SYN3: variants seen among roughly 807,000 people sequenced by gnomAD.
SYN3 encodes synapsin III, also known as synapsin-3.
SYN3 carries 35 observed loss-of-function variants against 65.8 expected under a neutral mutation model. The ratio of observed to expected loss-of-function variants is 0.53; its 90% CI spans 0.41 to 0.70. SYN3 has a LOEUF of 0.70. SYN3 is among the 30% of genes least tolerant of loss of function. The pLI is 0.00. For synonymous variants in SYN3, 270 were observed against 292.9 expected, an observed-to-expected ratio of 0.92 and a Z score of 0.80; for missense variants, 680 against 749.0, an observed-to-expected ratio of 0.91 and a Z score of 1.08.
intron 1 of SYN3, among the ~76,000 whole-genome samples, chr22:33,054,792 T>A: frequency 6.6e-6 from 1 of 152,256 alleles, no homozygotes; most frequent in East Asian, 1.9e-4. Context: ...TATGTTATAC[T>A]ACATTTTGTT....
intron 3 of SYN3, among the ~76,000 whole-genome samples, chr22:32,942,256 G>A (rs2050963480): frequency 6.6e-6 from 1 of 152,166 alleles, no homozygotes; most frequent in Admixed American, 6.5e-5. Context: ...AGCTTCCAGA[G>A]GAACAATCAG....
intron 7 of SYN3, among the ~76,000 whole-genome samples, chr22:32,567,105 A>G (rs1001086961): frequency 6.6e-6 from 1 of 152,166 alleles, no homozygotes; most frequent in East Asian, 1.9e-4. Context: ...AGACTGGGAA[A>G]GGTAACTGAC....
At chr22:33,031,827 G>A (rs1392123105) in intron 1 of SYN3, among the ~76,000 whole-genome samples, 1 of 152,038 alleles carries the variant, frequency 6.6e-6, no homozygotes, top group African/African-American at 2.4e-5. Context: ...CTGAATTCCT[G>A]GCTGTGATGG....
chr22:33,055,446 T>G (rs1211356584), intron 1 of SYN3, among the ~76,000 whole-genome samples: 1 of 152,206 alleles, frequency 6.6e-6, no homozygotes, highest in Non-Finnish European at 1.5e-5. Flanking sequence ...TCCCCAGATC[T>G]CAGTGTAAAT....
chr22:32,590,894 C>T (rs2059118680), intron 7 of SYN3, among the ~76,000 whole-genome samples: 1 of 152,202 alleles, frequency 6.6e-6, no homozygotes, highest in Non-Finnish European at 1.5e-5. Flanking sequence ...ACATATGATG[C>T]TATTTAATCA....
chr22:32,878,218 T>C (rs541454141), intron 4 of SYN3, among the ~76,000 whole-genome samples: 1 of 152,286 alleles, frequency 6.6e-6, no homozygotes, highest in South Asian at 2.1e-4. Context: ...CCAAAGTGGA[T>C]CTGAGGACTT....
chr22:32,722,567 G>A (rs115957063), intron 6 of SYN3, among the ~76,000 whole-genome samples: 285 of 152,300 alleles, frequency 1.9e-3, no homozygotes, highest in African/African-American at 6.5e-3. Context: ...TCTCTTACTC[G>A]GACAGTGCCA....
chr22:32,971,704 G>T (rs1048539890), intron 3 of SYN3, among the ~76,000 whole-genome samples: 2 of 152,170 alleles, frequency 1.3e-5, no homozygotes, highest in African/African-American at 2.4e-5. Flanking sequence ...GACCTCTATG[G>T]AAAGTAATTT....
chr22:32,598,253 G>A (rs1370768110), intron 6 of SYN3, among the ~76,000 whole-genome samples: 2 of 152,176 alleles, frequency 1.3e-5, no homozygotes, highest in Non-Finnish European at 1.5e-5. Context: ...GCAGAAGGCC[G>A]CCTGTGCATC....
At chr22:32,731,667 T>G (rs1282301107) in intron 6 of SYN3, among the ~76,000 whole-genome samples, 1 of 152,146 alleles carries the variant, frequency 6.6e-6, no homozygotes, top group African/African-American at 2.4e-5. Context: ...TGTCTTTATG[T>G]CTATAGTAGA....
rs2054286581 is a variant in SYN3, at chr22:33,058,345, C to T, written c.-216G>A. 6.6e-6 allele frequency: 1 copy of T among 151,626 alleles called. No homozygotes were observed. The highest frequency in any genetic ancestry group is 1.5e-5 in the Non-Finnish European group (1 of 67,860). 9.4% of individuals were successfully genotyped at this position (151,626 alleles called of 1,614,324 possible). On this transcript the variant is annotated 5_prime_UTR_variant, in exon 1 of 14. Coordinates refer to ENST00000358763, the MANE Select transcript of SYN3 (RefSeq NM_003490.4). ...GGTGGTGCCTCGGCGCGGCGCCCGC[C>T]AGTCGATCCGCTCCGGGTCCCGGGA...
intron 7 of SYN3, among the ~76,000 whole-genome samples, chr22:32,586,863 C>T (rs934890538): frequency 7.2e-5 from 11 of 151,940 alleles, no homozygotes; most frequent in African/African-American, 2.7e-4. Context: ...GAGCACAGTG[C>T]CTAAAGTCTT....
intron 4 of SYN3, among the ~76,000 whole-genome samples, chr22:32,890,746 T>C (rs1015652996): frequency 6.6e-6 from 1 of 152,212 alleles, no homozygotes; most frequent in Admixed American, 6.5e-5. Context: ...TGCCTGTTTA[T>C]ATCTACTGCT....
intron 4 of SYN3, among the ~76,000 whole-genome samples, chr22:32,914,808 T>C (rs936429063): frequency 6.6e-5 from 10 of 152,174 alleles, no homozygotes; most frequent in Non-Finnish European, 1.3e-4. Flanking sequence ...TCACATTATA[T>C]GGCAAATAGT....
At chr22:32,641,976 C>T (rs9621518) in intron 6 of SYN3, among the ~76,000 whole-genome samples, 3,444 of 152,208 alleles carry the variant, frequency 0.023, 131 homozygotes, top group African/African-American at 0.079. Context: ...TCTGGCAATC[C>T]TCACACTGTG....
chr22:32,538,762 C>A (rs946068136), intron 8 of SYN3, among the ~76,000 whole-genome samples: 1 of 152,280 alleles, frequency 6.6e-6, no homozygotes, highest in East Asian at 1.9e-4. Context: ...TTCCTGACAG[C>A]CCACCTTTAC....
intron 8 of SYN3, among the ~76,000 whole-genome samples, chr22:32,540,414 A>G (rs561409895): frequency 1.3e-4 from 20 of 152,326 alleles, no homozygotes; most frequent in African/African-American, 4.8e-4. Context: ...TAACCCTTGC[A>G]GTCCTCAGAT....
chr22:32,748,394 C>T (rs1006240068), intron 6 of SYN3, among the ~76,000 whole-genome samples: 2 of 152,080 alleles, frequency 1.3e-5, no homozygotes, highest in Non-Finnish European at 2.9e-5. Context: ...GCTTCAGGTT[C>T]CTCATCAATA....
chr22:32,741,953 T>G lies in SYN3; in HGVS notation c.711+122962A>C, dbSNP rs187684204. ...GTATTTACCTTTCTAGTTTAACACT[T>G]TCCATTTTTCCAGACAGGAAGTTAA... is the stretch of plus-strand genomic sequence containing the variant. On this transcript the variant is annotated intron_variant, in intron 6 of 13. Transcript: ENST00000358763. Among the ~76,000 whole-genome samples the G allele has an allele frequency of 3.1e-3, 477 of 152,236 alleles. 3 individuals carry two copies. The highest frequency in any genetic ancestry group is 0.011 in the African/African-American group (452 of 41,548).
Sources: allele counts gnomAD v4.1 joint callset (sites outside exome capture counted in the v4.1 genomes callset), GRCh38; gene constraint gnomAD v4.1.1; transcripts MANE v1.5; gene names NCBI Gene and HGNC (gene_info 2026-07-23, HGNC 2026-07-21).